CCDC38: variants seen among roughly 807,000 people sequenced by gnomAD.
CCDC38 encodes the protein coiled-coil domain containing 38.
Under a neutral mutation model 72.8 loss-of-function variants are expected in CCDC38, and 69 were observed. The ratio of observed to expected loss-of-function variants is 0.95; its 90% CI spans 0.78 to 1.16. The LOEUF is 1.16. Ranked by LOEUF, CCDC38 falls within the 50% of genes most tolerant of loss-of-function variation. The pLI is 0.00. For synonymous variants in CCDC38, 201 were observed against 213.2 expected, an observed-to-expected ratio of 0.94 and a Z score of 0.50; for missense variants, 626 against 638.9, an observed-to-expected ratio of 0.98 and a Z score of 0.22.
intron 8 of CCDC38, among the ~76,000 whole-genome samples, chr12:95,893,050 C>A (rs1333487807): frequency 1.3e-5 from 2 of 152,102 alleles, no homozygotes; most frequent in African/African-American, 2.4e-5. Flanking sequence ...TCTAGATGAA[C>A]CTTTGGATCA....
chr12:95,885,315 T>A (rs1254118927), intron 10 of CCDC38: 1 of 154,828 alleles, frequency 6.5e-6, no homozygotes, highest in Non-Finnish European at 1.4e-5. Flanking sequence ...AGTTGACTGC[T>A]GATGGCTTAG....
intron 4 of CCDC38, among the ~76,000 whole-genome samples, chr12:95,910,352 G>A (rs2136709661): frequency 6.6e-6 from 1 of 151,368 alleles, no homozygotes; most frequent in East Asian, 1.9e-4. Flanking sequence ...ATGGATATTT[G>A]TAAACAAAGA....
chr12:95,909,531 A>G (rs1447088247), intron 4 of CCDC38, among the ~76,000 whole-genome samples: 1 of 152,206 alleles, frequency 6.6e-6, no homozygotes, highest in Non-Finnish European at 1.5e-5. Context: ...AAGAGAAGGG[A>G]TTCCTCCCTA....
chr12:95,929,700 G>A (rs1440028443), intron 2 of CCDC38, among the ~76,000 whole-genome samples: 2 of 152,200 alleles, frequency 1.3e-5, no homozygotes, highest in African/African-American at 4.8e-5. Flanking sequence ...CAGAGAAATA[G>A]AAGAAAACTA....
At chr12:95,884,994 GT>G (rs990834831) in intron 10 of CCDC38, among the ~76,000 whole-genome samples, 2 of 152,116 alleles carry the variant, frequency 1.3e-5, no homozygotes, top group East Asian at 1.9e-4. Context: ...ATTCCAGAAA[GT>G]TTTTTTGTAG....
At chr12:95,886,526 A>G (rs1012565812) in intron 10 of CCDC38, among the ~76,000 whole-genome samples, 2 of 152,024 alleles carry the variant, frequency 1.3e-5, no homozygotes, top group East Asian at 3.9e-4. Flanking sequence ...GATAAAAAAG[A>G]CAATCTATAC....
chr12:95,921,490 C>T (rs1424152793), intron 2 of CCDC38, among the ~76,000 whole-genome samples: 1 of 152,078 alleles, frequency 6.6e-6, no homozygotes, highest in East Asian at 1.9e-4. Context: ...CACAAGGTGG[C>T]AGGAGAGAGA....
chr12:95,924,808 A>G (rs968454385), intron 2 of CCDC38, among the ~76,000 whole-genome samples: 3 of 145,044 alleles, frequency 2.1e-5, no homozygotes, highest in African/African-American at 7.7e-5. Context: ...TCCTTTCCCC[A>G]TTGCTTGTTT....
At chr12:95,917,356 A>C in intron 3 of CCDC38, 62 bp from the exon 4 acceptor site, 1 of 1,285,084 alleles carries the variant, frequency 7.8e-7, no homozygotes, top group South Asian at 1.4e-5. Flanking sequence ...TCTTAAAATT[A>C]GTGATTATAT....
intron 4 of CCDC38, among the ~76,000 whole-genome samples, chr12:95,907,885 C>A (rs1374554339): frequency 1.3e-5 from 2 of 151,120 alleles, no homozygotes; most frequent in South Asian, 4.2e-4. Flanking sequence ...GATGGGATGG[C>A]GGCCGGGAAG....
chr12:95,920,230 G>A (rs572382050), intron 2 of CCDC38, among the ~76,000 whole-genome samples: 24 of 152,278 alleles, frequency 1.6e-4, no homozygotes, highest in Non-Finnish European at 2.6e-4. Context: ...TCTCGTGATA[G>A]TGAATAAGTC....
chr12:95,894,046 C>T (rs1320462595), intron 8 of CCDC38, among the ~76,000 whole-genome samples: 2 of 152,016 alleles, frequency 1.3e-5, no homozygotes, highest in Non-Finnish European at 2.9e-5. Flanking sequence ...TGGTGAAACC[C>T]CGTCTCTACT....
chr12:95,911,139 A>G (rs1479544210), intron 4 of CCDC38, among the ~76,000 whole-genome samples: 2 of 152,198 alleles, frequency 1.3e-5, no homozygotes, highest in African/African-American at 2.4e-5. Context: ...AAATGGGGAG[A>G]GGATCCCCTT....
chr12:95,939,146 T>C (rs566828206), intron 1 of CCDC38, among the ~76,000 whole-genome samples: 3 of 152,178 alleles, frequency 2.0e-5, no homozygotes, highest in African/African-American at 4.8e-5. Flanking sequence ...AGCCTTTGGA[T>C]GGCCTCAGTT....
intron 3 of CCDC38, 67 bp from the exon 4 acceptor site, chr12:95,917,361 T>C (rs2080156945): frequency 7.9e-7 from 1 of 1,263,620 alleles, no homozygotes; most frequent in Non-Finnish European, 1.1e-6. Flanking sequence ...AAATTAGTGA[T>C]TATATATAAA....
At position 95,915,684 on chromosome 12, in the gene CCDC38, C is replaced by G. The variant is rs545231479; in HGVS notation, c.304+1445G>C. ...TCAAATCAGCTCCTGATTGGAAATA[C>G]AGTCTGAGGGTGACTTCTATATTTT... is the stretch of plus-strand genomic sequence containing the variant. On this transcript the variant is annotated intron_variant, in intron 4 of 15. Coordinates refer to ENST00000344280, the MANE Select transcript of CCDC38 (RefSeq NM_182496.3). 2.0e-5 allele frequency among the ~76,000 whole-genome samples: 3 copies of G among 152,334 alleles called. No individual in the cohort carries two copies. The South Asian group carries it at 6.2e-4, about 32-fold the overall frequency.
At chr12:95,901,950 C>T (rs191238692) in intron 5 of CCDC38, among the ~76,000 whole-genome samples, 160 of 152,138 alleles carry the variant, frequency 1.1e-3, no homozygotes, top group African/African-American at 3.5e-3. Flanking sequence ...AATGTGATAT[C>T]TAAAGAGGGT....
chr12:95,903,254 C>T (rs760517989), intron 5 of CCDC38: 184 of 451,540 alleles, frequency 4.1e-4, no homozygotes, highest in African/African-American at 2.2e-3. Context: ...TTGCTACAAC[C>T]TTGCTAAACT....
At chr12:95,932,702 C>T (rs886999931) in intron 2 of CCDC38, among the ~76,000 whole-genome samples, 9 of 152,104 alleles carry the variant, frequency 5.9e-5, no homozygotes, top group Non-Finnish European at 8.8e-5. Flanking sequence ...CAATTCTCCA[C>T]GAATGATCAA....
Sources: gnomAD v4.1 joint callset for allele counts (sites outside exome capture counted in the v4.1 genomes callset) on GRCh38, gnomAD v4.1.1 for gene constraint, MANE v1.5 for transcripts, NCBI Gene and HGNC (gene_info 2026-07-23, HGNC 2026-07-21) for gene names.